The following PABPC1 variants were observed in gnomAD, a reference collection of about 807,000 sequenced individuals.
PABPC1 encodes the protein polyadenylate-binding protein 1.
A neutral mutation model predicts 74.0 loss-of-function variants in PABPC1; 4 were observed. That is an observed-to-expected ratio of 0.05 (90% CI 0.03 to 0.12). The LOEUF (loss-of-function observed/expected upper bound fraction) is 0.12, where lower values mean the gene tolerates loss of function less well. Among genes scored for constraint, PABPC1 ranks in the 10% least tolerant of loss-of-function variants. The pLI is 1.00. For missense variants in PABPC1, 271 were observed against 821.1 expected (o/e 0.33, Z 8.19); for synonymous variants, 227 against 264.1 (o/e 0.86, Z 1.36).
intron 14 of PABPC1, among the ~76,000 whole-genome samples, chr8:100,703,776 G>A (rs1460490405): frequency 6.6e-6 from 1 of 152,076 alleles, no homozygotes; most frequent in African/African-American, 2.4e-5. Flanking sequence ...CTGGCAGGGC[G>A]CAGTGGCTCA....
chr8:100,709,967 G>A, intron 7 of PABPC1: 1 of 409,252 alleles, frequency 2.4e-6, no homozygotes, highest in East Asian at 3.7e-5. Context: ...AGTGAAGGCT[G>A]CACAGAAACT....
rs1810812146 is a variant in PABPC1, at chr8:100,721,077, G to A, written c.193+314C>T. On this transcript the variant is annotated intron_variant, in intron 1 of 14. Coordinates refer to ENST00000318607, the MANE Select transcript of PABPC1 (RefSeq NM_002568.4). This position sits in a 1 kb window ranked among gnomAD's most constrained non-coding sequence, Gnocchi z 7.4. ...AACGCCCCAGAATCCCGGGGCCACT[G>A]GCGGGAGCGCCGCGGAGGAACCGAA... 6.6e-6 allele frequency among the ~76,000 whole-genome samples: 1 copy of A among 152,224 alleles called. No homozygotes were observed. The highest frequency in any genetic ancestry group is 1.5e-5 in the Non-Finnish European group (1 of 68,028).
rs772995292 is a variant in PABPC1, at chr8:100,709,252, T to C, written c.1246-29A>G. On this transcript the variant is annotated intron_variant, in intron 8 of 14. Transcript: ENST00000318607. ...CAGGGAAAAAAAGCACATGAGTTTA[T>C]CAGTTGAAGAAAAAAGCAAATAATG... is the stretch of plus-strand genomic sequence containing the variant. The C allele has an allele frequency of 3.8e-6, 6 of 1,594,918 alleles. No individual in the cohort carries two copies. The East Asian group carries it at 8.9e-5, about 24-fold the overall frequency.
At position 100,704,533 on chromosome 8, in the gene PABPC1, C is replaced by T. The variant is rs1034289120; in HGVS notation, c.1819-143G>A. ...AATTGTTACACTAAACAACTATATCCATTCAATTTTGAGTTCTATTACACC... is the reference window on the plus strand; with the variant it reads ...AATTGTTACACTAAACAACTATATCTATTCAATTTTGAGTTCTATTACACC... On this transcript the variant is annotated intron_variant, in intron 13 of 14. Transcript: ENST00000318607. The T allele has an allele frequency of 4.1e-6, 3 of 729,838 alleles. No homozygotes were observed. The African/African-American group carries it at 5.3e-5, about 13-fold the overall frequency. 45.2% of individuals were successfully genotyped at this position (729,838 alleles called of 1,614,324 possible).
chr8:100,705,806 TAGAA>T (rs1245104203), intron 11 of PABPC1, 133 bp from the exon 12 acceptor site: 1 of 664,456 alleles, frequency 1.5e-6, no homozygotes, highest in Non-Finnish European at 2.7e-6. Flanking sequence ...GTGAGCGAAT[TAGAA>T]AGAAGCCAAA....
intron 8 of PABPC1, 117 bp from the exon 9 acceptor site, chr8:100,709,340 TA>T: frequency 1.4e-6 from 2 of 1,464,206 alleles, no homozygotes; most frequent in Non-Finnish European, 9.5e-7. Flanking sequence ...CATTTTTTCC[TA>T]CTCAATCATA....
At chr8:100,709,435 T>C in intron 8 of PABPC1, 24 bp downstream of exon 8, 2 of 1,586,996 alleles carry the variant, frequency 1.3e-6, no homozygotes, top group Non-Finnish European at 1.7e-6. Flanking sequence ...ACCTTCATGG[T>C]TCTGGTTGCC....
intron 9 of PABPC1, chr8:100,707,277 C>A (rs1030141481): frequency 7.3e-6 from 2 of 273,766 alleles, no homozygotes; most frequent in South Asian, 3.7e-5. Context: ...AATAAAGACA[C>A]GAGACACAGA....
At chr8:100,705,150 TTC>T in intron 12 of PABPC1, 94 bp from the exon 13 acceptor site, 2 of 984,890 alleles carry the variant, frequency 2.0e-6, no homozygotes, top group Non-Finnish European at 3.1e-6. Context: ...AGAACCATAC[TTC>T]TGTCTCACGT....
chr8:100,705,282 G>C (rs1480740862), intron 12 of PABPC1, among the ~76,000 whole-genome samples: 1 of 152,210 alleles, frequency 6.6e-6, no homozygotes, highest in African/African-American at 2.4e-5. Flanking sequence ...GTTACCATTA[G>C]GTTGTTAAAT....
At position 100,705,676 on chromosome 8, in the gene PABPC1, A is replaced by G. The variant is rs1335417680; in HGVS notation, c.1603-3T>C. The G allele has an allele frequency of 1.3e-6, 2 of 1,500,498 alleles. No homozygotes were observed. Among genetic ancestry groups the G allele is most frequent in the Admixed American group, 1.7e-5 (1 of 59,008 alleles). 92.9% of individuals were successfully genotyped at this position (1,500,498 alleles called of 1,614,324 possible). On this transcript the variant is annotated splice_polypyrimidine_tract_variant and splice_region_variant and intron_variant, in intron 11 of 14. Coordinates refer to ENST00000318607, the MANE Select transcript of PABPC1 (RefSeq NM_002568.4). ...TGACCTTGTACATGAACAGCAGGCT[A>G]GACAGAAAATGAGAACTCTTAAGTT...
chr8:100,707,835 G>A (rs1322755493), intron 9 of PABPC1, among the ~76,000 whole-genome samples: 2 of 152,188 alleles, frequency 1.3e-5, no homozygotes, highest in Non-Finnish European at 2.9e-5. Flanking sequence ...TTACGCTACT[G>A]CTAGACCTCG....
chr8:100,712,802 A>AG lies in PABPC1; in HGVS notation c.739-14_739-13insC. The AG allele has an allele frequency of 1.3e-6, 2 of 1,500,452 alleles. No individual in the cohort carries two copies. Among genetic ancestry groups the AG allele is most frequent in the Non-Finnish European group, 1.8e-6 (2 of 1,140,332 alleles). The allele number at this position is 1,500,452 out of a possible 1,614,324, so 92.9% of individuals were successfully genotyped here. ...TCTCATCCACAGCCTTCCCCCCAAA[A>AG]AAAAAGAAAAAAAAAAAATCACAAA... On this transcript the variant is annotated splice_polypyrimidine_tract_variant and intron_variant, in intron 5 of 14. Transcript: ENST00000318607.
Position 100,712,662 on chromosome 8 carries a change from G to C in PABPC1, c.866C>G (p.Thr289Ser). The part of the protein sequence containing the change: ...KFEQMKQDRI[T>S]RYQGVNLYVK... ...CAATTAAAAATGAACCTGGTATCTG[G>C]TGATCCTATCTTGTTTCATCTGTTC... Residue 289 changes from threonine (T) to serine (S), a missense_variant, in exon 6 of 15, where the codon ACC becomes AGC. By Grantham distance (58) the Thr-to-Ser change is moderately conservative. This residue lies in a region of PABPC1 where 78 missense variants were observed against 202.8 expected (regional missense o/e 0.38). Coordinates refer to ENST00000318607, the MANE Select transcript of PABPC1 (RefSeq NM_002568.4). 6.2e-7 allele frequency: 1 copy of C among 1,600,442 alleles called. No homozygotes were observed. Among genetic ancestry groups the C allele is most frequent in the Non-Finnish European group, 8.5e-7 (1 of 1,176,594 alleles).
At chr8:100,714,549 G>A (rs1036575888) in intron 4 of PABPC1, among the ~76,000 whole-genome samples, 13 of 152,062 alleles carry the variant, frequency 8.5e-5, no homozygotes, top group African/African-American at 2.4e-4. Flanking sequence ...TGGCCATCAC[G>A]GTGAAACCCC....
chr8:100,706,850 T>C (rs778588753), intron 10 of PABPC1, 37 bp downstream of exon 10: 19 of 1,156,498 alleles, frequency 1.6e-5, no homozygotes, highest in African/African-American at 7.7e-5. Flanking sequence ...CTCTTTCAAA[T>C]TGGTGATCAA....
At chr8:100,705,987 A>G (rs1810369149) in intron 11 of PABPC1, among the ~76,000 whole-genome samples, 1 of 152,156 alleles carries the variant, frequency 6.6e-6, no homozygotes, top group Non-Finnish European at 1.5e-5. Context: ...AGCTGGGATT[A>G]CAGGCATGTG....
chr8:100,706,382 C>T (rs545626123), intron 11 of PABPC1, among the ~76,000 whole-genome samples: 25 of 152,276 alleles, frequency 1.6e-4, no homozygotes, highest in African/African-American at 5.8e-4. Context: ...CAGCCTTAAA[C>T]TCCTGGGCTC....
chr8:100,715,038 C>A (rs188967250), intron 4 of PABPC1, among the ~76,000 whole-genome samples: 9 of 151,184 alleles, frequency 6.0e-5, no homozygotes, highest in Admixed American at 5.3e-4. Context: ...CTTAGACTGA[C>A]CAGCTTTATT....
Sources: allele counts gnomAD v4.1 joint callset (sites outside exome capture counted in the v4.1 genomes callset), GRCh38; gene constraint gnomAD v4.1.1; regional missense constraint gnomAD v4.1.1; non-coding constraint Gnocchi (gnomAD v3.1); transcripts MANE v1.5; gene names NCBI Gene and HGNC (gene_info 2026-07-23, HGNC 2026-07-21).